Variants in RANBP2 observed in about 807,000 individuals in gnomAD.
RANBP2 encodes RAN binding protein 2, also known as E3 SUMO-protein ligase RanBP2.
A neutral mutation model predicts 303.6 loss-of-function variants in RANBP2; 57 were observed. The ratio of observed to expected loss-of-function variants is 0.19; its 90% CI spans 0.15 to 0.23. The LOEUF (loss-of-function observed/expected upper bound fraction) is 0.23. Among genes scored for constraint, RANBP2 ranks in the 10% least tolerant of loss-of-function variants. The pLI is 1.00. For missense variants in RANBP2, 3,138 were observed against 3,780.8 expected (o/e 0.83, Z 4.46); for synonymous variants, 1,167 against 1,301.5 (o/e 0.90, Z 2.23).
chr2:109,215,758 T>C, the RANBP2 span, among the ~76,000 whole-genome samples: 1 of 152,150 alleles, frequency 6.6e-6, no homozygotes, highest in African/African-American at 2.4e-5. Context: ...GGGACATCGC[T>C]GCACAGTTGT....
the RANBP2 span, among the ~76,000 whole-genome samples, chr2:108,919,720 C>T: frequency 7.9e-5 from 12 of 152,144 alleles, no homozygotes; most frequent in Admixed American, 1.3e-4. Context: ...GGTGCCTTCT[C>T]GGGTTTGAAC....
the RANBP2 span, among the ~76,000 whole-genome samples, chr2:109,157,731 T>A: frequency 6.6e-6 from 1 of 152,184 alleles, no homozygotes; most frequent in African/African-American, 2.4e-5. Context: ...CATCCTGAGA[T>A]GCCATACAAA....
chr2:109,171,726 G>A, the RANBP2 span, among the ~76,000 whole-genome samples: 1 of 152,252 alleles, frequency 6.6e-6, no homozygotes, highest in South Asian at 2.1e-4. Flanking sequence ...CAGCCCCTGC[G>A]CCTGGCGCTG....
chr2:109,533,386 C>T, the RANBP2 span, among the ~76,000 whole-genome samples: 1 of 152,166 alleles, frequency 6.6e-6, no homozygotes, highest in Non-Finnish European at 1.5e-5. Flanking sequence ...GTACTAGACA[C>T]GCTTTGTTTC....
the RANBP2 span, among the ~76,000 whole-genome samples, chr2:109,147,089 C>T: frequency 6.6e-6 from 1 of 151,994 alleles, no homozygotes; most frequent in Admixed American, 6.5e-5. Flanking sequence ...TTCCCTGTCT[C>T]GTTTTCCCCT....
chr2:109,520,955 C>A, the RANBP2 span, among the ~76,000 whole-genome samples: 64,612 of 150,190 alleles, frequency 0.43, 14,678 homozygotes, highest in Middle Eastern at 0.59. Context: ...AAAGGCCGGG[C>A]GCGGTGGCTC....
the RANBP2 span, among the ~76,000 whole-genome samples, chr2:109,102,343 G>A: frequency 6.6e-6 from 1 of 151,314 alleles, no homozygotes; most frequent in Non-Finnish European, 1.5e-5. Context: ...CTCGTGATCC[G>A]CCTGCCTCGG....
chr2:108,885,481 C>G, the RANBP2 span: 1 of 152,156 alleles, frequency 6.6e-6, no homozygotes, highest in Non-Finnish European at 1.5e-5. Flanking sequence ...AAAGTAAGTA[C>G]TGTATCTGTA....
At chr2:109,611,439 G>C in the RANBP2 span, among the ~76,000 whole-genome samples, 3 of 151,454 alleles carry the variant, frequency 2.0e-5, no homozygotes, top group East Asian at 5.8e-4. Flanking sequence ...TCTGAGAAAG[G>C]ACTGGAATCT....
At chr2:109,178,876 T>C in the RANBP2 span, among the ~76,000 whole-genome samples, 3 of 152,210 alleles carry the variant, frequency 2.0e-5, no homozygotes, top group Middle Eastern at 3.2e-3. Flanking sequence ...AATTAAATGA[T>C]GACTTCATGG....
chr2:108,929,347 G>A, the RANBP2 span: 1,190 of 1,614,132 alleles, frequency 7.4e-4, 10 homozygotes, highest in South Asian at 8.8e-3. Context: ...GGACGCAGCC[G>A]TAGTCCTCGT....
At chr2:109,180,497 T>G in the RANBP2 span, among the ~76,000 whole-genome samples, 2 of 152,148 alleles carry the variant, frequency 1.3e-5, no homozygotes, top group Non-Finnish European at 2.9e-5. Flanking sequence ...CACCCAAATC[T>G]CATCTTGAAT....
the RANBP2 span, among the ~76,000 whole-genome samples, chr2:109,404,954 GT>G: frequency 1.3e-5 from 2 of 151,716 alleles, no homozygotes; most frequent in Non-Finnish European, 2.9e-5. Flanking sequence ...GTGGAGCCCC[GT>G]CCTGGCCCCT....
At chr2:109,284,648 G>A in the RANBP2 span, among the ~76,000 whole-genome samples, 1 of 152,326 alleles carries the variant, frequency 6.6e-6, no homozygotes, top group Non-Finnish European at 1.5e-5. Flanking sequence ...CAATGTCATG[G>A]GTTAGACCAT....
the RANBP2 span, among the ~76,000 whole-genome samples, chr2:109,659,438 C>G: frequency 6.6e-6 from 1 of 152,202 alleles, no homozygotes; most frequent in Non-Finnish European, 1.5e-5. Context: ...TGGCCCCAGG[C>G]TCCTTTCCAT....
intron 7 of RANBP2, among the ~76,000 whole-genome samples, chr2:108,742,861 TCACTGC>T (rs1696221141): frequency 6.6e-6 from 1 of 152,178 alleles, no homozygotes; most frequent in African/African-American, 2.4e-5. Context: ...CGACCTCGGC[TCACTGC>T]AAGCTCCACC....
chr2:109,132,976 T>A, the RANBP2 span, among the ~76,000 whole-genome samples: 5 of 152,164 alleles, frequency 3.3e-5, no homozygotes, highest in African/African-American at 9.7e-5. Context: ...TTTAAATCCT[T>A]GACTTATATT....
the RANBP2 span, among the ~76,000 whole-genome samples, chr2:109,073,119 C>CA: frequency 2.0e-5 from 3 of 152,118 alleles, no homozygotes; most frequent in East Asian, 1.9e-4. Context: ...ATTTACCAGA[C>CA]AAAAAATCAA....
At chr2:109,574,704 C>G in the RANBP2 span, 1 of 1,606,998 alleles carries the variant, frequency 6.2e-7, no homozygotes, top group Non-Finnish European at 8.5e-7. Flanking sequence ...AACGCTTAAT[C>G]TTCAGTTCTT....
Sources: allele counts gnomAD v4.1 joint callset (sites outside exome capture counted in the v4.1 genomes callset), GRCh38; gene constraint gnomAD v4.1.1; transcripts MANE v1.5; gene names NCBI Gene and HGNC (gene_info 2026-07-23, HGNC 2026-07-21).